CBX3: variants seen among roughly 807,000 people sequenced by gnomAD.
The protein encoded by CBX3 is chromobox protein homolog 3.
Under a neutral mutation model 22.6 loss-of-function variants are expected in CBX3, and 5 were observed. The ratio of observed to expected loss-of-function variants is 0.22; its 90% CI spans 0.12 to 0.47. The LOEUF is 0.47. Ranked by LOEUF, CBX3 falls within the 20% of genes least tolerant of loss-of-function variation. CBX3 has a pLI of 0.99. For missense variants in CBX3, 83 were observed against 208.1 expected, an observed-to-expected ratio of 0.40 and a Z score of 3.70; for synonymous variants, 50 against 66.6, an observed-to-expected ratio of 0.75 and a Z score of 1.21.
intron 2 of CBX3, among the ~76,000 whole-genome samples, 181 bp downstream of exon 2, chr7:26,203,203 C>T (rs1262268264): frequency 1.3e-5 from 2 of 152,078 alleles, no homozygotes; most frequent in Non-Finnish European, 2.9e-5. Flanking sequence ...ACTGGCTTGG[C>T]TTAATAGTGT....
intron 3 of CBX3, among the ~76,000 whole-genome samples, chr7:26,207,387 C>T (rs972388222): frequency 6.6e-6 from 1 of 152,156 alleles, no homozygotes; most frequent in Non-Finnish European, 1.5e-5. Flanking sequence ...GCCCATGAAA[C>T]ATGAAAAATT....
chr7:26,202,799 G>C (rs1784579092), intron 1 of CBX3, 172 bp from the exon 2 acceptor site: 2 of 608,052 alleles, frequency 3.3e-6, no homozygotes, highest in Non-Finnish European at 5.8e-6. Flanking sequence ...GTTAGGACAC[G>C]TACTTAAGTA....
intron 4 of CBX3, among the ~76,000 whole-genome samples, chr7:26,209,736 A>T (rs748473273): frequency 2.6e-5 from 4 of 152,018 alleles, no homozygotes; most frequent in African/African-American, 4.8e-5. Flanking sequence ...GTAACTTCTT[A>T]CTTACACCCT....
upstream of CBX3, chr7:26,201,629 G>GCGGCCCCTCCCCCCGCCGGGCGCGCGCC (rs1784444310): frequency 6.8e-6 from 1 of 147,460 alleles, no homozygotes; most frequent in Admixed American, 6.7e-5. Context: ...GGCGCGGCGC[G>GCGGCCCCTCCCCCCGCCGGGCGCGCGCC]CGGCCCCTCC....
At chr7:26,205,724 A>G (rs962508821) in intron 2 of CBX3, among the ~76,000 whole-genome samples, 1 of 152,184 alleles carries the variant, frequency 6.6e-6, no homozygotes, top group Non-Finnish European at 1.5e-5. Context: ...ATCACCCTTT[A>G]GGTACTTCCT....
intron 4 of CBX3, among the ~76,000 whole-genome samples, chr7:26,209,446 A>G: frequency 6.6e-6 from 1 of 152,296 alleles, no homozygotes; most frequent in East Asian, 1.9e-4. Flanking sequence ...TCTTAAATAC[A>G]AACAATACTA....
chr7:26,210,910 A>G (rs898408766), intron 4 of CBX3, among the ~76,000 whole-genome samples: 3 of 151,980 alleles, frequency 2.0e-5, no homozygotes, highest in Admixed American at 1.3e-4. Flanking sequence ...CCCAAAAAGG[A>G]CTCTGGAATC....
Position 26,212,630 on chromosome 7 carries a change from T to C in CBX3, c.*422T>C, listed in dbSNP as rs567613645. The C allele has an allele frequency of 1.3e-5, 2 of 152,318 alleles. No homozygotes were observed. Among genetic ancestry groups the C allele is most frequent in the Admixed American group, 6.5e-5 (1 of 15,294 alleles). The allele number at this position is 152,318 out of a possible 1,614,324, so 9.4% of individuals were successfully genotyped here. A position where few individuals can be genotyped will look rare whatever the true frequency, so the allele number is the denominator to read the frequency against. On this transcript the variant is annotated 3_prime_UTR_variant, in exon 6 of 6. Transcript: ENST00000396386. ...TGTGTGTGTATCCATAAAATGCATA[T>C]GTAAATTTTTTTTTGTTTTTAAGCA...
Position 26,206,455 on chromosome 7 carries a change from C to A in CBX3, c.112C>A (p.Arg38=). 13 of 1,613,854 alleles carry A rather than the reference C, an allele frequency of 8.1e-6. No individual in the cohort carries two copies. The highest frequency in any genetic ancestry group is 1.0e-5 in the Non-Finnish European group (12 of 1,179,856). ...ATTTGTCGTGGAAAAAGTACTAGAT[C>A]GACGTGTAGTGAATGGGAAAGTGGA... ...EEFVVEKVLD[R]RVVNGKVEYF... is the part of the protein sequence containing the mutation. Residue 38 remains arginine (R), a synonymous_variant, in exon 3 of 6, where the codon CGA becomes AGA. Coordinates refer to ENST00000396386, the MANE Select transcript of CBX3 (RefSeq NM_016587.4).
In CBX3 at chr7:26,212,288, A is replaced by C; in HGVS notation, c.*80A>C. The C allele has an allele frequency of 1.2e-6, 1 of 829,480 alleles. No homozygotes were observed. Among genetic ancestry groups the C allele is most frequent in the Non-Finnish European group, 1.6e-6 (1 of 635,788 alleles). The allele number at this position is 829,480 out of a possible 1,614,324, so 51.4% of individuals were successfully genotyped here. ...TAGATTTTGATTTACTAGTGTGACA[A>C]AATAACTACATCCTAATGAAAATCA... On this transcript the variant is annotated 3_prime_UTR_variant, in exon 6 of 6. Transcript: ENST00000396386.
intron 2 of CBX3, 56 bp downstream of exon 2, chr7:26,203,078 A>G (rs1177578602): frequency 1.7e-6 from 2 of 1,174,956 alleles, no homozygotes; most frequent in Admixed American, 2.1e-5. Context: ...TTTTTTCCCC[A>G]CAGTATAACT....
chr7:26,209,401 G>T (rs1333390327), intron 4 of CBX3, among the ~76,000 whole-genome samples: 1 of 152,098 alleles, frequency 6.6e-6, no homozygotes, highest in Non-Finnish European at 1.5e-5. Context: ...TTTGATCCCT[G>T]ATCAGACCAA....
chr7:26,202,712 A>G (rs1784571979), intron 1 of CBX3: 1 of 447,230 alleles, frequency 2.2e-6, no homozygotes. Flanking sequence ...TGGAAAAGAC[A>G]TTGGTCCCCT....
At chr7:26,203,080 A>G (rs1375486343) in intron 2 of CBX3, 58 bp downstream of exon 2, 5 of 1,156,698 alleles carry the variant, frequency 4.3e-6, no homozygotes, top group Non-Finnish European at 6.1e-6. Context: ...TTTTCCCCAC[A>G]GTATAACTTT....
intron 1 of CBX3, chr7:26,202,735 G>T: frequency 2.0e-6 from 1 of 493,414 alleles, no homozygotes; most frequent in Non-Finnish European, 3.6e-6. Flanking sequence ...TTTAAGCCAT[G>T]TGAAGCTGTT....
chr7:26,203,282 C>T (rs764369351), intron 2 of CBX3, among the ~76,000 whole-genome samples: 43 of 152,180 alleles, frequency 2.8e-4, no homozygotes, highest in Non-Finnish European at 8.8e-5. Context: ...GGATTTTTAT[C>T]TTCAAATAGA....
intron 3 of CBX3, among the ~76,000 whole-genome samples, chr7:26,207,370 T>C (rs978435643): frequency 6.6e-6 from 1 of 152,198 alleles, no homozygotes; most frequent in Non-Finnish European, 1.5e-5. Context: ...AGTCCCTTCT[T>C]TATTAAGCCC....
chr7:26,205,516 C>T, intron 2 of CBX3, among the ~76,000 whole-genome samples: 1 of 152,154 alleles, frequency 6.6e-6, no homozygotes, highest in Non-Finnish European at 1.5e-5. Flanking sequence ...TCCTAGTGGT[C>T]TCTATAGTTG....
rs1784838778 is a variant in CBX3 at position 26,212,791 on chromosome 7, C to T, written c.*583C>T. The stretch of plus-strand genomic sequence containing the variant: ...TACATTTCAAGTGAAATAAGTAATT[C>T]TAGATAGGACAATTTAAATTGGATA... On this transcript the variant is annotated 3_prime_UTR_variant, in exon 6 of 6. Transcript: ENST00000396386. The T allele has an allele frequency of 6.6e-6, 1 of 152,224 alleles. No individual in the cohort carries two copies. The highest frequency in any genetic ancestry group is 6.5e-5 in the Admixed American group (1 of 15,288). 9.4% of individuals were successfully genotyped at this position (152,224 alleles called of 1,614,324 possible). A position where few individuals can be genotyped will look rare whatever the true frequency, so the allele number is the denominator to read the frequency against.
Sources: allele counts gnomAD v4.1 joint callset (sites outside exome capture counted in the v4.1 genomes callset), GRCh38; gene constraint gnomAD v4.1.1; transcripts MANE v1.5; gene names NCBI Gene and HGNC (gene_info 2026-07-23, HGNC 2026-07-21).